Variants in DGKI observed in about 807,000 individuals in gnomAD.
The protein encoded by DGKI is DAG kinase iota.
Under a neutral mutation model 147.5 loss-of-function variants are expected in DGKI, and 55 were observed. The observed-to-expected ratio is 0.37, with a 90% CI of 0.30 to 0.47. The LOEUF (loss-of-function observed/expected upper bound fraction) is 0.47, where lower values mean the gene tolerates loss of function less well. Among genes scored for constraint, DGKI ranks in the 20% least tolerant of loss-of-function variants. The probability of loss-of-function intolerance (pLI) is 1.00; values close to 1 mark genes in which losing one functional copy is unlikely to be tolerated. For missense variants in DGKI, 1,007 were observed against 1,323.8 expected, an observed-to-expected ratio of 0.76 and a Z score of 3.71; for synonymous variants, 469 against 477.1, an observed-to-expected ratio of 0.98 and a Z score of 0.22.
intron 17 of DGKI, among the ~76,000 whole-genome samples, chr7:137,573,042 G>A (rs990997989): frequency 5.9e-5 from 9 of 152,064 alleles, no homozygotes; most frequent in African/African-American, 1.9e-4. Context: ...GGTTTTGTTC[G>A]CACTTAAGGT....
chr7:137,526,016 G>C (rs991757411), intron 20 of DGKI, among the ~76,000 whole-genome samples: 1 of 151,858 alleles, frequency 6.6e-6, no homozygotes, highest in African/African-American at 2.4e-5. Flanking sequence ...GGGAGTCGGG[G>C]GAAGTGCATA....
Position 137,386,937 on chromosome 7 carries a change from A to T in DGKI, c.*4283T>A, listed in dbSNP as rs540817184. ...TGAATATAATTCATTTAAATAGAAC[A>T]ATTAGTAGTTTTATTTGATGGTTAT... On this transcript the variant is annotated 3_prime_UTR_variant, in exon 33 of 33. Coordinates refer to ENST00000614521, the MANE Select transcript of DGKI (RefSeq NM_001321708.2). The T allele has an allele frequency of 6.6e-6, 1 of 152,252 alleles. No homozygotes were observed. Among genetic ancestry groups the T allele is most frequent in the South Asian group, 2.1e-4 (1 of 4,820 alleles). The allele number at this position is 152,252 out of a possible 1,614,324, so 9.4% of individuals were successfully genotyped here. A position where few individuals can be genotyped will look rare whatever the true frequency, so the allele number is the denominator to read the frequency against.
At chr7:137,453,369 A>C (rs1408470776) in intron 27 of DGKI, among the ~76,000 whole-genome samples, 1 of 152,134 alleles carries the variant, frequency 6.6e-6, no homozygotes, top group Non-Finnish European at 1.5e-5. Flanking sequence ...CATCTTCACC[A>C]TTATCACTCT....
chr7:137,781,363 A>G (rs1222141409), intron 1 of DGKI, among the ~76,000 whole-genome samples: 1 of 152,242 alleles, frequency 6.6e-6, no homozygotes, highest in African/African-American at 2.4e-5. Flanking sequence ...AAGAATACAC[A>G]AAAGAACTCC....
chr7:137,842,839 G>A (rs1585559994), intron 1 of DGKI, among the ~76,000 whole-genome samples: 1 of 152,040 alleles, frequency 6.6e-6, no homozygotes, highest in African/African-American at 2.4e-5. Context: ...AAAAAGGTAT[G>A]CAATAATATA....
At chr7:137,691,171 T>G (rs983912294) in intron 1 of DGKI, among the ~76,000 whole-genome samples, 3 of 151,848 alleles carry the variant, frequency 2.0e-5, no homozygotes, top group Non-Finnish European at 4.4e-5. Flanking sequence ...TTCTCTTCTG[T>G]GCACTAAAGT....
At chr7:137,466,118 G>T in intron 25 of DGKI, 83 bp from the exon 26 acceptor site, 1 of 1,501,118 alleles carries the variant, frequency 6.7e-7, no homozygotes, top group South Asian at 1.2e-5. Context: ...ATTCTGCAAC[G>T]TGTCAAAGGA....
intron 21 of DGKI, among the ~76,000 whole-genome samples, chr7:137,502,257 C>T (rs1036840212): frequency 4.6e-5 from 7 of 152,112 alleles, no homozygotes; most frequent in East Asian, 3.9e-4. Context: ...TATTTTCTTA[C>T]GTGAGTGAAT....
intron 21 of DGKI, among the ~76,000 whole-genome samples, chr7:137,509,846 C>A (rs1816517480): frequency 6.6e-6 from 1 of 152,134 alleles, no homozygotes; most frequent in South Asian, 2.1e-4. Context: ...AGCCCACAAC[C>A]CCTCAGGAGT....
At position 137,470,546 on chromosome 7, in the gene DGKI, T is replaced by G. The variant is rs538143173; in HGVS notation, c.2374-927A>C. Reference sequence around the variant, plus strand: ...CCTCAGCTGATCTTGTTACATCTATTTTTTTAATTTTTATTTCATTTATAT... The same window carrying G: ...CCTCAGCTGATCTTGTTACATCTATGTTTTTAATTTTTATTTCATTTATAT... On this transcript the variant is annotated intron_variant, in intron 23 of 32. Transcript: ENST00000614521. 3.3e-5 allele frequency among the ~76,000 whole-genome samples: 5 copies of G among 152,262 alleles called. 1 individual carries two copies. In the South Asian group the frequency reaches 8.3e-4, roughly 25 times the overall value.
At chr7:137,661,113 T>A (rs1049263924) in intron 3 of DGKI, among the ~76,000 whole-genome samples, 4 of 152,300 alleles carry the variant, frequency 2.6e-5, no homozygotes, top group East Asian at 3.9e-4. Context: ...TGGGGCCAAC[T>A]GCACTGCCTG....
intron 8 of DGKI, among the ~76,000 whole-genome samples, chr7:137,618,880 T>C (rs1375983611): frequency 6.6e-6 from 1 of 152,192 alleles, no homozygotes; most frequent in Non-Finnish European, 1.5e-5. Context: ...TATAATTTTA[T>C]TCGTAAACAT....
intron 23 of DGKI, among the ~76,000 whole-genome samples, chr7:137,470,485 GCT>G (rs1291941932): frequency 6.6e-6 from 1 of 152,038 alleles, no homozygotes; most frequent in Non-Finnish European, 1.5e-5. Context: ...TAATTCTTCT[GCT>G]CTCAATAGTT....
At chr7:137,526,850 CT>C (rs1330069369) in intron 20 of DGKI, among the ~76,000 whole-genome samples, 3 of 152,132 alleles carry the variant, frequency 2.0e-5, no homozygotes, top group Non-Finnish European at 4.4e-5. Flanking sequence ...TTAGTATACA[CT>C]ATTCCTCTCG....
chr7:137,761,402 C>T lies in DGKI; in HGVS notation c.402-71400G>A, dbSNP rs143529575. Among the ~76,000 whole-genome samples, 369 of 152,280 alleles carry T rather than the reference C, an allele frequency of 2.4e-3. 2 individuals carry two copies. Among genetic ancestry groups the T allele is most frequent in the African/African-American group, 8.3e-3 (343 of 41,562 alleles). ...CCTCAGTTTCCCCATGTTTCCTTGACGTAAATAGCAGGGGCTACCTCACCT... is the reference window on the plus strand; with the variant it reads ...CCTCAGTTTCCCCATGTTTCCTTGATGTAAATAGCAGGGGCTACCTCACCT... On this transcript the variant is annotated intron_variant, in intron 1 of 32. Transcript: ENST00000614521.
At chr7:137,561,377 A>G (rs1818413967) in intron 19 of DGKI, among the ~76,000 whole-genome samples, 1 of 152,200 alleles carries the variant, frequency 6.6e-6, no homozygotes, top group Non-Finnish European at 1.5e-5. Flanking sequence ...TTGATCTCAC[A>G]GAAGTAAAAA....
chr7:137,575,662 T>G (rs1035559527), intron 17 of DGKI, among the ~76,000 whole-genome samples: 1 of 152,222 alleles, frequency 6.6e-6, no homozygotes, highest in African/African-American at 2.4e-5. Context: ...TAGCCACGAT[T>G]TTATTGAAAT....
At chr7:137,509,607 CTG>C (rs1214876646) in intron 21 of DGKI, among the ~76,000 whole-genome samples, 1 of 152,240 alleles carries the variant, frequency 6.6e-6, no homozygotes, top group Admixed American at 6.5e-5. Context: ...AGCAGAGAGA[CTG>C]TGAAAATAAT....
chr7:137,502,785 C>T (rs572845406), intron 21 of DGKI, among the ~76,000 whole-genome samples: 6 of 152,242 alleles, frequency 3.9e-5, no homozygotes, highest in African/African-American at 1.4e-4. Context: ...TCAAGAGCCC[C>T]TGTTCTGAAC....
Sources: allele counts gnomAD v4.1 joint callset (sites outside exome capture counted in the v4.1 genomes callset), GRCh38; gene constraint gnomAD v4.1.1; transcripts MANE v1.5; gene names NCBI Gene and HGNC (gene_info 2026-07-23, HGNC 2026-07-21).